The following KATNIP variants were observed in gnomAD, a reference collection of about 807,000 sequenced individuals.
The protein encoded by KATNIP is katanin-interacting protein.
Under a neutral mutation model 174.0 loss-of-function variants are expected in KATNIP, and 126 were observed. That is an observed-to-expected ratio of 0.72 (90% CI 0.63 to 0.84). The LOEUF (loss-of-function observed/expected upper bound fraction) is 0.84. Ranked by LOEUF, KATNIP falls within the 40% of genes least tolerant of loss-of-function variation. KATNIP has a pLI of 0.00. For synonymous variants in KATNIP, 810 were observed against 835.7 expected (o/e 0.97, Z 0.53); for missense variants, 1,958 against 2,109.7 (o/e 0.93, Z 1.41).
At chr16:27,673,079 T>G (rs114665653) in intron 6 of KATNIP, among the ~76,000 whole-genome samples, 3,336 of 152,148 alleles carry the variant, frequency 0.022, 138 homozygotes, top group African/African-American at 0.077. Context: ...ACCCAGCCTT[T>G]CCCCCACCCC....
intron 6 of KATNIP, among the ~76,000 whole-genome samples, chr16:27,665,989 AT>A (rs1314253184): frequency 6.6e-6 from 1 of 151,942 alleles, no homozygotes; most frequent in Non-Finnish European, 1.5e-5. Context: ...AATTCCTGAA[AT>A]TTTCTAGTCA....
At chr16:27,756,502 G>C (rs749940401) in intron 18 of KATNIP, among the ~76,000 whole-genome samples, 4 of 152,168 alleles carry the variant, frequency 2.6e-5, no homozygotes, top group Non-Finnish European at 4.4e-5. Flanking sequence ...ACGGAAGCTG[G>C]GAGTGCAAGC....
In KATNIP at chr16:27,740,453, C is replaced by T. The variant is rs554608885; in HGVS notation, c.2156C>T (p.Pro719Leu). 12 of 1,614,124 alleles carry T rather than the reference C, an allele frequency of 7.4e-6. No individual in the cohort carries two copies. The highest frequency in any genetic ancestry group is 4.0e-5 in the African/African-American group (3 of 75,082). Residue 719 changes from proline to leucine, a missense_variant, in exon 15 of 28, where the codon CCA becomes CTA. Pro to Leu is a moderately conservative substitution (Grantham distance 98). This residue lies in a region of KATNIP where 1,557 missense variants were observed against 1,617.8 expected (regional missense o/e 0.96). Transcript: ENST00000261588. ...ATGCCCAGTGCTCCTGCCACTTCCC[C>T]ACCTGTGAAGTGCCCTCCTGTCCAT... ...GDMPSAPATS[P>L]PVKCPPVHEE...
At chr16:27,760,573 T>C (rs1474051663) in intron 18 of KATNIP, among the ~76,000 whole-genome samples, 2 of 152,218 alleles carry the variant, frequency 1.3e-5, no homozygotes, top group Non-Finnish European at 2.9e-5. Context: ...GCAGCCAATT[T>C]GCATAAAATG....
chr16:27,572,114 A>G (rs558579177), intron 1 of KATNIP, among the ~76,000 whole-genome samples: 2 of 152,108 alleles, frequency 1.3e-5, no homozygotes, highest in African/African-American at 2.4e-5. Flanking sequence ...CATCTCCCCA[A>G]CTATCAACAC....
chr16:27,612,455 T>A (rs2075917326), intron 2 of KATNIP, among the ~76,000 whole-genome samples: 1 of 152,062 alleles, frequency 6.6e-6, no homozygotes. Context: ...ACCTGGGAGC[T>A]CATCAGAAAT....
intron 2 of KATNIP, among the ~76,000 whole-genome samples, chr16:27,605,862 G>A (rs1353064256): frequency 6.6e-6 from 1 of 152,152 alleles, no homozygotes; most frequent in Non-Finnish European, 1.5e-5. Flanking sequence ...AGGTGCGGTG[G>A]CTCAGGCCTG....
chr16:27,590,214 A>G (rs755208064), intron 2 of KATNIP, among the ~76,000 whole-genome samples: 34 of 151,504 alleles, frequency 2.2e-4, no homozygotes, highest in Middle Eastern at 3.4e-3. Context: ...TATTTCCTCT[A>G]TTTATTAAAT....
intron 2 of KATNIP, among the ~76,000 whole-genome samples, chr16:27,600,526 C>T (rs1160504281): frequency 6.6e-6 from 1 of 152,132 alleles, no homozygotes; most frequent in Non-Finnish European, 1.5e-5. Flanking sequence ...TCCACCCCAG[C>T]CCAAGACAGG....
At chr16:27,606,281 T>C (rs1042037799) in intron 2 of KATNIP, among the ~76,000 whole-genome samples, 2 of 152,180 alleles carry the variant, frequency 1.3e-5, no homozygotes, top group Non-Finnish European at 2.9e-5. Context: ...GCTGTGACTT[T>C]TGTACTGTAA....
chr16:27,775,362 T>C (rs991256017), intron 24 of KATNIP, among the ~76,000 whole-genome samples: 3 of 152,240 alleles, frequency 2.0e-5, no homozygotes, highest in Admixed American at 6.5e-5. Context: ...GCCTGAGGGC[T>C]TGGGCGTCCT....
intron 13 of KATNIP, among the ~76,000 whole-genome samples, chr16:27,710,006 C>A (rs915109060): frequency 1.1e-4 from 17 of 152,168 alleles, no homozygotes; most frequent in African/African-American, 4.1e-4. Context: ...CCCCTCAGGA[C>A]CCTGCTGCCC....
chr16:27,771,897 G>A (rs1481802389), intron 22 of KATNIP, among the ~76,000 whole-genome samples: 1 of 152,170 alleles, frequency 6.6e-6, no homozygotes, highest in Non-Finnish European at 1.5e-5. Flanking sequence ...CAGCTGGGAG[G>A]GGCTAGAGAA....
At chr16:27,631,041 C>G (rs1189313874) in intron 4 of KATNIP, 24 bp from the exon 5 acceptor site, 4 of 1,541,902 alleles carry the variant, frequency 2.6e-6, no homozygotes, top group Non-Finnish European at 2.6e-6. Context: ...CTCACCAAGT[C>G]TCCTTCCCTC....
chr16:27,596,378 C>G (rs990980313), intron 2 of KATNIP, among the ~76,000 whole-genome samples: 4 of 151,550 alleles, frequency 2.6e-5, no homozygotes, highest in African/African-American at 4.9e-5. Context: ...TGCTTTATCT[C>G]CTGAGATGGG....
chr16:27,730,895 G>A (rs747453710), intron 14 of KATNIP, among the ~76,000 whole-genome samples: 3 of 152,214 alleles, frequency 2.0e-5, no homozygotes, highest in Non-Finnish European at 4.4e-5. Flanking sequence ...TTTGGAAATT[G>A]GCTTTTGATG....
intron 7 of KATNIP, among the ~76,000 whole-genome samples, chr16:27,678,500 C>T (rs1329395466): frequency 6.6e-6 from 1 of 152,154 alleles, no homozygotes; most frequent in Non-Finnish European, 1.5e-5. Flanking sequence ...TCTCTGCTTT[C>T]CTGTGTCTTG....
intron 1 of KATNIP, among the ~76,000 whole-genome samples, chr16:27,557,703 C>T (rs1374280129): frequency 2.0e-5 from 3 of 152,178 alleles, no homozygotes; most frequent in Admixed American, 2.0e-4. Flanking sequence ...GCTAAGATTA[C>T]AGGCATGAGC....
chr16:27,736,332 G>T lies in KATNIP; in HGVS notation c.1744-3709G>T, dbSNP rs939929025. On this transcript the variant is annotated intron_variant, in intron 14 of 27. Coordinates refer to ENST00000261588, the MANE Select transcript of KATNIP (RefSeq NM_015202.5). Reference sequence around the variant, plus strand: ...AATAATTGTTGGGTGGCTACAATGTGCCCTTGGACAAGACGGGCAGGGCTT... The same window carrying T: ...AATAATTGTTGGGTGGCTACAATGTTCCCTTGGACAAGACGGGCAGGGCTT... Among the ~76,000 whole-genome samples, 23 of 152,290 alleles carry T rather than the reference G, an allele frequency of 1.5e-4. 3 individuals are homozygous for T. The highest frequency in any genetic ancestry group is 1.2e-3 in the Admixed American group (18 of 15,292).
Sources: allele counts gnomAD v4.1 joint callset (sites outside exome capture counted in the v4.1 genomes callset), GRCh38; gene constraint gnomAD v4.1.1; regional missense constraint gnomAD v4.1.1; transcripts MANE v1.5; gene names NCBI Gene and HGNC (gene_info 2026-07-23, HGNC 2026-07-21).